The following STX1A variants were observed in gnomAD, a reference collection of about 807,000 sequenced individuals.
STX1A encodes the protein syntaxin 1A.
In STX1A, 4 loss-of-function variants were observed where a neutral mutation model predicts 37.8. That is an observed-to-expected ratio of 0.11 (90% CI 0.05 to 0.24). STX1A has a LOEUF of 0.24. Among genes scored for constraint, STX1A ranks in the 10% least tolerant of loss-of-function variants. The probability of loss-of-function intolerance (pLI) is 1.00; values close to 1 mark genes in which losing one functional copy is unlikely to be tolerated. For synonymous variants in STX1A, 135 were observed against 147.4 expected, an observed-to-expected ratio of 0.92 and a Z score of 0.61; for missense variants, 251 against 399.9, an observed-to-expected ratio of 0.63 and a Z score of 3.18.
rs782644685 is a variant in STX1A at position 73,702,694 on chromosome 7, C to T, written c.678+151G>A. On this transcript the variant is annotated intron_variant, in intron 8 of 9. Coordinates refer to ENST00000222812, the MANE Select transcript of STX1A (RefSeq NM_004603.4). This position sits in a 1 kb window ranked among gnomAD's most constrained non-coding sequence, Gnocchi z 4.7. ...GACAGGGACCTTCGGGTCGGCAGGG[C>T]CCTGGCGGCAGTTTCAACAGCGGGT... 17 of 1,506,692 alleles carry T rather than the reference C, an allele frequency of 1.1e-5. No homozygotes were observed. The highest frequency in any genetic ancestry group is 6.2e-5 in the Admixed American group (3 of 48,094). 93.3% of individuals were successfully genotyped at this position (1,506,692 alleles called of 1,614,324 possible).
chr7:73,708,740 C>G, intron 2 of STX1A, 52 bp from the exon 3 acceptor site: 1 of 1,580,952 alleles, frequency 6.3e-7, no homozygotes, highest in Non-Finnish European at 8.6e-7. Flanking sequence ...GAGAAGCCTT[C>G]TGGGGCCCAG....
chr7:73,708,502 T>C (rs1798968432), intron 3 of STX1A, 87 bp downstream of exon 3: 7 of 1,306,462 alleles, frequency 5.4e-6, no homozygotes, highest in Non-Finnish European at 6.5e-6. Flanking sequence ...CCATGAAGGC[T>C]GCAGAGGTCC....
In STX1A at chr7:73,703,782, A is replaced by C. The variant is rs782343806; in HGVS notation, c.513T>G (p.Ser171Arg). The C allele has an allele frequency of 1.2e-6, 2 of 1,613,514 alleles. No individual in the cohort carries two copies. Among genetic ancestry groups the C allele is most frequent in the Non-Finnish European group, 1.7e-6 (2 of 1,179,880 alleles). ...CAGAGGCAAAGATGGCGGGGTTCCC[A>C]CTCTCCAGCATGTCCTCCAGCTCCT... ...TSEELEDMLE[S>R]GNPAIFASGI... Residue 171 changes from serine to arginine, a missense_variant, in exon 7 of 10, where the codon AGT becomes AGG. By Grantham distance (110) the Ser-to-Arg change is moderately radical. Coordinates refer to ENST00000222812, the MANE Select transcript of STX1A (RefSeq NM_004603.4).
chr7:73,704,048 C>G, intron 6 of STX1A, 100 bp downstream of exon 6: 2 of 1,361,790 alleles, frequency 1.5e-6, no homozygotes, highest in Non-Finnish European at 2.0e-6. Context: ...CGCCTCGGGC[C>G]CCTAACTAAG....
intron 1 of STX1A, among the ~76,000 whole-genome samples, chr7:73,710,337 G>C (rs1296538847): frequency 6.6e-6 from 1 of 152,282 alleles, no homozygotes; most frequent in African/African-American, 2.4e-5. Context: ...TCTCTCTGCA[G>C]CCAAGGCAAG....
At position 73,700,580 on chromosome 7, in the gene STX1A, T is replaced by C; in HGVS notation, c.790-96A>G. 1 of 1,516,158 alleles carries C rather than the reference T, an allele frequency of 6.6e-7. No individual in the cohort carries two copies. Among genetic ancestry groups the C allele is most frequent in the South Asian group, 1.2e-5 (1 of 84,980 alleles). 93.9% of individuals were successfully genotyped at this position (1,516,158 alleles called of 1,614,324 possible). A position where few individuals can be genotyped will look rare whatever the true frequency, so the allele number is the denominator to read the frequency against. On this transcript the variant is annotated intron_variant, in intron 9 of 9. Transcript: ENST00000222812. This position sits in a 1 kb window ranked among gnomAD's most constrained non-coding sequence, Gnocchi z 4.4. Reference sequence around the variant, plus strand: ...CTGAGGACTGGACAGTCGGGGGGGATCCAAGCAGGGGAAGGTGACGGCCTG... The same window carrying C: ...CTGAGGACTGGACAGTCGGGGGGGACCCAAGCAGGGGAAGGTGACGGCCTG...
In STX1A at chr7:73,706,123, C is replaced by T. The variant is rs1554616898; in HGVS notation, c.209-899G>A. On this transcript the variant is annotated intron_variant, in intron 3 of 9. Transcript: ENST00000222812. The surrounding 1 kb of genome is among the most constrained non-coding windows in gnomAD (Gnocchi z 4.6). Reference sequence around the variant, plus strand: ...GGGACTGAGCTCTGGCTATCACCTTCCCACCTGCCCCTCTGCTTGCCCCTG... The same window carrying T: ...GGGACTGAGCTCTGGCTATCACCTTTCCACCTGCCCCTCTGCTTGCCCCTG... 6.6e-6 allele frequency among the ~76,000 whole-genome samples: 1 copy of T among 152,100 alleles called. No individual in the cohort carries two copies. The highest frequency in any genetic ancestry group is 1.5e-5 in the Non-Finnish European group (1 of 68,016).
chr7:73,704,489 C>T (rs72555386), intron 4 of STX1A, 66 bp from the exon 5 acceptor site: 23,343 of 1,591,600 alleles, frequency 0.015, 215 homozygotes, highest in Non-Finnish European at 0.016. Context: ...ACCCGCACAC[C>T]CAGCATCTAT....
At position 73,709,786 on chromosome 7, in the gene STX1A, C is replaced by A. The variant is rs1317557009; in HGVS notation, c.31-664G>T. 1.3e-5 allele frequency among the ~76,000 whole-genome samples: 2 copies of A among 152,174 alleles called. No homozygotes were observed. The highest frequency in any genetic ancestry group is 4.8e-5 in the African/African-American group (2 of 41,414). On this transcript the variant is annotated intron_variant, in intron 1 of 9. Coordinates refer to ENST00000222812, the MANE Select transcript of STX1A (RefSeq NM_004603.4). The surrounding 1 kb of genome is among the most constrained non-coding windows in gnomAD (Gnocchi z 4.2). ...CCAGAGTGGGCCCTATAAGGGGAGA[C>A]CTGCCTACTGTGTCCCAGCCCTGGG... is the stretch of plus-strand genomic sequence containing the variant.
chr7:73,717,542 C>T lies in STX1A; in HGVS notation c.30+2060G>A, dbSNP rs1162343885. Reference sequence around the variant, plus strand: ...GAAAGCAGCCTGTGGGAACAGTGGCCCCACCAAGACTGACTGTCTCACCCC... The same window carrying T: ...GAAAGCAGCCTGTGGGAACAGTGGCTCCACCAAGACTGACTGTCTCACCCC... On this transcript the variant is annotated intron_variant, in intron 1 of 9. Transcript: ENST00000222812. The surrounding 1 kb of genome is among the most constrained non-coding windows in gnomAD (Gnocchi z 4.1). 1.3e-5 allele frequency among the ~76,000 whole-genome samples: 2 copies of T among 152,096 alleles called. No individual in the cohort carries two copies. Among genetic ancestry groups the T allele is most frequent in the African/African-American group, 4.8e-5 (2 of 41,410 alleles).
At position 73,702,900 on chromosome 7, in the gene STX1A, C is replaced by G; in HGVS notation, c.623G>C (p.Ser208Thr). Residue 208 changes from serine to threonine, a missense_variant, in exon 8 of 10, where the codon AGC becomes ACC. This residue lies in a region of STX1A where 214 missense variants were observed against 367.6 expected (regional missense o/e 0.58). Transcript: ENST00000222812. This position sits in a 1 kb window ranked among gnomAD's most constrained non-coding sequence, Gnocchi z 4.7. ...RHSEIIKLEN[S>T]IRELHDMFMD... ...GAACATGTCGTGTAGCTCACGGATG[C>G]TGTTCTCCAGCTTGATGATCTCACT... 6.2e-7 allele frequency: 1 copy of G among 1,613,718 alleles called. No individual in the cohort carries two copies. The highest frequency in any genetic ancestry group is 8.5e-7 in the Non-Finnish European group (1 of 1,180,004).
rs1554616448 is a variant in STX1A at position 73,704,271 on chromosome 7, T to TG, written c.358-16dup. 1 of 1,613,962 alleles carries TG rather than the reference T, an allele frequency of 6.2e-7. No homozygotes were observed. The highest frequency in any genetic ancestry group is 8.5e-7 in the Non-Finnish European group (1 of 1,179,960). ...AGCGTGGAGTGCTGGGGGCCCGAGA[T>TG]GGAGGTGCAGGGGTCAGGCCCTGCG... On this transcript the variant is annotated splice_polypyrimidine_tract_variant and intron_variant, in intron 5 of 9. Transcript: ENST00000222812.
In STX1A at chr7:73,700,280, A is replaced by G. The variant is rs1584236809; in HGVS notation, c.*127T>C. 4.8e-6 allele frequency: 4 copies of G among 825,328 alleles called. No individual in the cohort carries two copies. The highest frequency in any genetic ancestry group is 7.9e-6 in the Non-Finnish European group (4 of 503,800). The allele number at this position is 825,328 out of a possible 1,614,324, so 51.1% of individuals were successfully genotyped here. A position where few individuals can be genotyped will look rare whatever the true frequency, so the allele number is the denominator to read the frequency against. On this transcript the variant is annotated 3_prime_UTR_variant, in exon 10 of 10. Transcript: ENST00000222812. The surrounding 1 kb of genome is among the most constrained non-coding windows in gnomAD (Gnocchi z 4.4). The stretch of plus-strand genomic sequence containing the variant: ...GAGGGCCCATGGCAGAGAAGGGAGC[A>G]TGGGGGCCGGGAGGGAGGGTGCTCT...
intron 7 of STX1A, chr7:73,703,255 A>G (rs1798732298): frequency 1.8e-6 from 1 of 566,070 alleles, no homozygotes; most frequent in Non-Finnish European, 3.2e-6. Flanking sequence ...GACAGTCCTT[A>G]TCACCAGCAT....
In STX1A at chr7:73,702,301, A is replaced by G. The variant is rs1365408364; in HGVS notation, c.678+544T>C. On this transcript the variant is annotated intron_variant, in intron 8 of 9. Transcript: ENST00000222812. The surrounding 1 kb of genome is among the most constrained non-coding windows in gnomAD (Gnocchi z 4.7). ...TGTTACTCTGTGTAACTTTGGAACC[A>G]TAGTGGTGGTGGCACCACCTTTGAG... Among the ~76,000 whole-genome samples, 3 of 152,166 alleles carry G rather than the reference A, an allele frequency of 2.0e-5. No individual in the cohort carries two copies. The highest frequency in any genetic ancestry group is 1.9e-4 in the East Asian group (1 of 5,188).
At position 73,700,900 on chromosome 7, in the gene STX1A, T is replaced by C. The variant is rs782152520; in HGVS notation, c.679-60A>G. 1 of 1,602,696 alleles carries C rather than the reference T, an allele frequency of 6.2e-7. No individual in the cohort carries two copies. Among genetic ancestry groups the C allele is most frequent in the South Asian group, 1.1e-5 (1 of 90,738 alleles). On this transcript the variant is annotated intron_variant, in intron 8 of 9. Transcript: ENST00000222812. This position sits in a 1 kb window ranked among gnomAD's most constrained non-coding sequence, Gnocchi z 4.4. Reference sequence around the variant, plus strand: ...CCCCTCCTCAGGGTTGGGTTGGGGCTCGGGGCAGGACTTCAGGAAAGCACC... The same window carrying C: ...CCCCTCCTCAGGGTTGGGTTGGGGCCCGGGGCAGGACTTCAGGAAAGCACC...
intron 1 of STX1A, among the ~76,000 whole-genome samples, chr7:73,713,685 G>A (rs1554618292): frequency 6.6e-6 from 1 of 152,214 alleles, no homozygotes; most frequent in African/African-American, 2.4e-5. Flanking sequence ...AGCTATGATC[G>A]TGCCATTGCA....
In STX1A at chr7:73,709,179, C is replaced by G; in HGVS notation, c.31-57G>C. The G allele has an allele frequency of 1.9e-6, 3 of 1,562,218 alleles. No individual in the cohort carries two copies. The highest frequency in any genetic ancestry group is 2.6e-6 in the Non-Finnish European group (3 of 1,143,268). ...TATGTACAGGACCCACCTGTACACA[C>G]GCAGGTGCCCAGGGTACAGCGCCAG... is the stretch of plus-strand genomic sequence containing the variant. On this transcript the variant is annotated intron_variant, in intron 1 of 9. Transcript: ENST00000222812. The surrounding 1 kb of genome is among the most constrained non-coding windows in gnomAD (Gnocchi z 4.2).
In STX1A at chr7:73,702,566, C is replaced by G. The variant is rs548561818; in HGVS notation, c.678+279G>C. The G allele has an allele frequency of 2.2e-5, 20 of 912,468 alleles. 1 individual carries two copies. The South Asian group carries it at 3.8e-4, about 17-fold the overall frequency. 56.5% of individuals were successfully genotyped at this position (912,468 alleles called of 1,614,324 possible). A position where few individuals can be genotyped will look rare whatever the true frequency, so the allele number is the denominator to read the frequency against. On this transcript the variant is annotated intron_variant, in intron 8 of 9. Coordinates refer to ENST00000222812, the MANE Select transcript of STX1A (RefSeq NM_004603.4). This position sits in a 1 kb window ranked among gnomAD's most constrained non-coding sequence, Gnocchi z 4.7. ...TGGGGAAATGCGTGGCCCACAGTGG[C>G]CCCATGAGGAAACAGTAGTAGGGGA...
Sources: allele counts gnomAD v4.1 joint callset (sites outside exome capture counted in the v4.1 genomes callset), GRCh38; gene constraint gnomAD v4.1.1; regional missense constraint gnomAD v4.1.1; non-coding constraint Gnocchi (gnomAD v3.1); transcripts MANE v1.5; gene names NCBI Gene and HGNC (gene_info 2026-07-23, HGNC 2026-07-21).